The following CAPZB variants were observed in gnomAD, a reference collection of about 807,000 sequenced individuals.
CAPZB encodes F-actin-capping protein subunit beta.
Under a neutral mutation model 38.1 loss-of-function variants are expected in CAPZB, and 2 were observed. The ratio of observed to expected loss-of-function variants is 0.05; its 90% CI spans 0.02 to 0.17. The LOEUF is 0.17. Ranked by LOEUF, CAPZB falls within the 10% of genes least tolerant of loss-of-function variation. CAPZB has a pLI of 1.00. For synonymous variants in CAPZB, 107 were observed against 127.4 expected, an observed-to-expected ratio of 0.84 and a Z score of 1.08; for missense variants, 161 against 334.2, an observed-to-expected ratio of 0.48 and a Z score of 4.04.
intron 2 of CAPZB, among the ~76,000 whole-genome samples, chr1:19,416,809 TTTGA>T (rs1159873023): frequency 1.4e-5 from 2 of 142,160 alleles, no homozygotes; most frequent in Non-Finnish European, 3.0e-5. Context: ...TGCATTGAGC[TTTGA>T]TTGCACCACT....
rs189360219 is a variant in CAPZB, at chr1:19,339,603, A to G, written c.746T>C (p.Phe249Ser). The change falls in exon 9 of 9, where the codon TTT becomes TCT. Residue 249 changes from phenylalanine to serine, a missense_variant. Transcript: ENST00000264202. ...AGCTTCTTGTTTTGATTTGTCTGCAAAAGTCTGCACAGACCTGCAAGGGAG... is the reference window on the plus strand; with the variant it reads ...AGCTTCTTGTTTTGATTTGTCTGCAGAAGTCTGCACAGACCTGCAAGGGAG... The part of the protein sequence containing the change: ...IVNGLRSVQT[F>S]ADKSKQEALK... 1.2e-6 allele frequency: 2 copies of G among 1,613,828 alleles called. No individual in the cohort carries two copies. The highest frequency in any genetic ancestry group is 2.2e-5 in the East Asian group (1 of 44,882).
chr1:19,346,997 T>A (rs1483913745), intron 6 of CAPZB, among the ~76,000 whole-genome samples: 2 of 148,524 alleles, frequency 1.3e-5, no homozygotes, highest in Admixed American at 1.3e-4. Context: ...CTTTTTTTTA[T>A]TTTTATTTTT....
chr1:19,350,472 C>T (rs1238563093), intron 6 of CAPZB, among the ~76,000 whole-genome samples: 6 of 152,250 alleles, frequency 3.9e-5, no homozygotes, highest in East Asian at 3.8e-4. Flanking sequence ...GGTCAGGACC[C>T]GGCGTGCAGC....
intron 1 of CAPZB, among the ~76,000 whole-genome samples, chr1:19,425,548 G>T (rs1357559762): frequency 2.0e-5 from 3 of 152,092 alleles, no homozygotes; most frequent in Non-Finnish European, 2.9e-5. Flanking sequence ...GGTTTAGGGG[G>T]TTTTTTGTGT....
intron 4 of CAPZB, among the ~76,000 whole-genome samples, chr1:19,363,135 G>A (rs972453391): frequency 6.6e-6 from 1 of 151,658 alleles, no homozygotes; most frequent in Admixed American, 6.6e-5. Context: ...AGGCTGGAGT[G>A]TGGTGGTGCG....
At chr1:19,461,098 G>A (rs1330052516) in intron 1 of CAPZB, among the ~76,000 whole-genome samples, 2 of 13,166 alleles carry the variant, frequency 1.5e-4, no homozygotes, top group Non-Finnish European at 2.0e-3. Context: ...GGCGGGGGCG[G>A]GGGGGGGAGG....
chr1:19,408,366 C>T (rs949323964), intron 2 of CAPZB, among the ~76,000 whole-genome samples: 1 of 152,230 alleles, frequency 6.6e-6, no homozygotes, highest in Non-Finnish European at 1.5e-5. Context: ...CTCATGAATT[C>T]GGCTTTCGGA....
In CAPZB at chr1:19,357,615, GC is replaced by G; in HGVS notation, c.330-53del. 1.9e-6 allele frequency: 3 copies of G among 1,596,888 alleles called. No individual in the cohort carries two copies. Among genetic ancestry groups the G allele is most frequent in the Non-Finnish European group, 2.6e-6 (3 of 1,165,978 alleles). ...TTAGATGCTAAAGGACAGATCATCA[GC>G]CTGGGTCCCAGGCTGCTGCTCAGCA... On this transcript the variant is annotated intron_variant, in intron 4 of 8. Transcript: ENST00000264202. The surrounding 1 kb of genome is among the most constrained non-coding windows in gnomAD (Gnocchi z 4.3).
intron 2 of CAPZB, among the ~76,000 whole-genome samples, chr1:19,401,466 C>T (rs1326582821): frequency 1.3e-5 from 2 of 151,812 alleles, no homozygotes; most frequent in Admixed American, 1.3e-4. Flanking sequence ...TCAAGGAGTT[C>T]GAATTTTGCC....
chr1:19,439,653 C>G (rs1356048170), intron 1 of CAPZB, among the ~76,000 whole-genome samples: 1 of 152,226 alleles, frequency 6.6e-6, no homozygotes, highest in Non-Finnish European at 1.5e-5. Flanking sequence ...CACATGGCAT[C>G]CCTCAGACAC....
intron 6 of CAPZB, among the ~76,000 whole-genome samples, chr1:19,348,146 G>A (rs909312956): frequency 2.0e-5 from 3 of 152,172 alleles, no homozygotes; most frequent in East Asian, 1.9e-4. Context: ...CCACCCCATC[G>A]CGTGATGAAG....
chr1:19,362,490 G>C (rs540788072), intron 4 of CAPZB, among the ~76,000 whole-genome samples: 1 of 152,136 alleles, frequency 6.6e-6, no homozygotes, highest in African/African-American at 2.4e-5. Context: ...TCAGTGTTGG[G>C]ATTACAGGCG....
Position 19,357,523 on chromosome 1 carries a change from G to A in CAPZB, c.370C>T (p.Leu124=), listed in dbSNP as rs1459291152. 1.9e-6 allele frequency: 3 copies of A among 1,614,014 alleles called. No individual in the cohort carries two copies. The highest frequency in any genetic ancestry group is 8.5e-7 in the Non-Finnish European group (1 of 1,179,998). The change falls in exon 5 of 9, where the codon CTG becomes TTG. Residue 124 remains leucine, a synonymous_variant. Transcript: ENST00000264202. This position sits in a 1 kb window ranked among gnomAD's most constrained non-coding sequence, Gnocchi z 4.3. The part of the protein sequence containing the change: ...GGVSSVYLWD[L]DHGFAGVILI... ...ATCACTCCAGCAAAGCCATGATCCA[G>A]ATCCCAGAGGTAGACAGATGAGACG...
At chr1:19,444,537 C>T (rs762254264) in intron 1 of CAPZB, among the ~76,000 whole-genome samples, 11 of 152,190 alleles carry the variant, frequency 7.2e-5, no homozygotes, top group Non-Finnish European at 1.2e-4. Flanking sequence ...ATAAACATAA[C>T]TGCACACTGG....
At chr1:19,456,167 C>T (rs984978406) in intron 1 of CAPZB, among the ~76,000 whole-genome samples, 1 of 152,216 alleles carries the variant, frequency 6.6e-6, no homozygotes, top group Non-Finnish European at 1.5e-5. Context: ...CTGCCTTGGC[C>T]TCCCAAAGTG....
chr1:19,391,174 T>C (rs1270063222), intron 2 of CAPZB, among the ~76,000 whole-genome samples: 1 of 151,996 alleles, frequency 6.6e-6, no homozygotes, highest in Non-Finnish European at 1.5e-5. Context: ...TGCCGCCATA[T>C]GGTTCTACTT....
In CAPZB at chr1:19,376,555, C is replaced by T. The variant is rs886108792; in HGVS notation, c.329+1985G>A. Among the ~76,000 whole-genome samples, 5 of 152,328 alleles carry T rather than the reference C, an allele frequency of 3.3e-5. No individual in the cohort carries two copies. The South Asian group carries it at 1.0e-3, about 32-fold the overall frequency. On this transcript the variant is annotated intron_variant, in intron 4 of 8. Coordinates refer to ENST00000264202, the MANE Select transcript of CAPZB (RefSeq NM_004930.5). ...GGTGAGTTTGCCCCTGCCTCAGAGA[C>T]CCTGGCACAACCAGCCCCCCTGCCT...
At chr1:19,342,769 T>G in intron 8 of CAPZB, 15 of 1,610,316 alleles carry the variant, frequency 9.3e-6, no homozygotes, top group Non-Finnish European at 1.3e-5. Flanking sequence ...GGCTTAATTA[T>G]CAGGCTGGAT....
intron 4 of CAPZB, chr1:19,374,444 A>G (rs182478784): frequency 6.6e-6 from 1 of 152,398 alleles, no homozygotes; most frequent in East Asian, 1.9e-4. Context: ...GGATCCAACA[A>G]TTCAGAAGCA....
Sources: allele counts gnomAD v4.1 joint callset (sites outside exome capture counted in the v4.1 genomes callset), GRCh38; gene constraint gnomAD v4.1.1; non-coding constraint Gnocchi (gnomAD v3.1); transcripts MANE v1.5; gene names NCBI Gene and HGNC (gene_info 2026-07-23, HGNC 2026-07-21).